Variants in PTPRD observed in about 807,000 individuals in gnomAD.
The protein encoded by PTPRD is receptor-type tyrosine-protein phosphatase delta.
Under a neutral mutation model 214.5 loss-of-function variants are expected in PTPRD, and 34 were observed. That is an observed-to-expected ratio of 0.16 (90% CI 0.12 to 0.21). PTPRD has a LOEUF of 0.21. PTPRD is among the 10% of genes least tolerant of loss of function. The pLI is 1.00. For missense variants in PTPRD, 2,545 were observed against 2,398.7 expected (o/e 1.06, Z -1.27); for synonymous variants, 1,128 against 845.7 (o/e 1.33, Z -5.79).
intron 2 of PTPRD, among the ~76,000 whole-genome samples, chr9:10,515,981 G>C (rs1008631539): frequency 3.3e-5 from 5 of 151,854 alleles, no homozygotes; most frequent in Non-Finnish European, 7.4e-5. Context: ...TTCATCTGTG[G>C]ACATTTAGGT....
At chr9:8,995,900 T>C (rs1409419952) in intron 11 of PTPRD, among the ~76,000 whole-genome samples, 1 of 152,122 alleles carries the variant, frequency 6.6e-6, no homozygotes, top group African/African-American at 2.4e-5. Flanking sequence ...TCTCTTCCTT[T>C]TAGTAAACGT....
At chr9:9,721,949 A>AT (rs1011705555) in intron 7 of PTPRD, among the ~76,000 whole-genome samples, 12 of 152,110 alleles carry the variant, frequency 7.9e-5, no homozygotes, top group African/African-American at 2.6e-4. Context: ...TGTACATATG[A>AT]TTTTTTAAAT....
At chr9:9,041,151 TGGG>T (rs1358984187) in intron 10 of PTPRD, among the ~76,000 whole-genome samples, 2 of 152,114 alleles carry the variant, frequency 1.3e-5, no homozygotes, top group Admixed American at 6.6e-5. Flanking sequence ...AAATTATAAA[TGGG>T]GGAATATATA....
At chr9:9,221,666 C>A (rs2099956131) in intron 9 of PTPRD, among the ~76,000 whole-genome samples, 1 of 151,988 alleles carries the variant, frequency 6.6e-6, no homozygotes, top group Non-Finnish European at 1.5e-5. Flanking sequence ...CTTATTTAAA[C>A]TGAACTATCT....
At chr9:9,917,803 T>A (rs899201949) in intron 5 of PTPRD, among the ~76,000 whole-genome samples, 1 of 152,052 alleles carries the variant, frequency 6.6e-6, no homozygotes, top group Non-Finnish European at 1.5e-5. Context: ...AATCAATAAA[T>A]GTGATACATC....
intron 2 of PTPRD, among the ~76,000 whole-genome samples, chr9:10,363,841 A>C (rs2097445701): frequency 6.6e-6 from 1 of 152,178 alleles, no homozygotes; most frequent in Non-Finnish European, 1.5e-5. Flanking sequence ...GGAAAATTTT[A>C]AAGAAAGTAA....
intron 5 of PTPRD, among the ~76,000 whole-genome samples, chr9:9,873,230 C>T (rs372001070): frequency 6.6e-6 from 1 of 152,090 alleles, no homozygotes; most frequent in Non-Finnish European, 1.5e-5. Flanking sequence ...GAAAGATAAA[C>T]TGTTCTAACC....
intron 6 of PTPRD, among the ~76,000 whole-genome samples, chr9:9,744,029 T>C (rs2098434843): frequency 6.6e-6 from 1 of 152,110 alleles, no homozygotes; most frequent in Admixed American, 6.6e-5. Context: ...CGTCATTCTA[T>C]TTGTAAGACT....
At chr9:10,004,459 C>T (rs1486647516) in intron 4 of PTPRD, among the ~76,000 whole-genome samples, 1 of 151,954 alleles carries the variant, frequency 6.6e-6, no homozygotes, top group East Asian at 1.9e-4. Flanking sequence ...TAATTCACAT[C>T]ATTTTCTTTT....
intron 4 of PTPRD, among the ~76,000 whole-genome samples, chr9:9,960,392 G>A (rs901953979): frequency 1.3e-5 from 2 of 152,118 alleles, no homozygotes; most frequent in African/African-American, 4.8e-5. Context: ...TCAAGAAAGT[G>A]GAGCGTAACT....
intron 3 of PTPRD, among the ~76,000 whole-genome samples, chr9:10,042,928 G>A (rs1381836187): frequency 6.6e-6 from 1 of 151,874 alleles, no homozygotes; most frequent in Non-Finnish European, 1.5e-5. Context: ...CCTATAACAT[G>A]TAAACAGTTG....
chr9:8,658,036 C>G (rs182593911), intron 12 of PTPRD, among the ~76,000 whole-genome samples: 11 of 152,070 alleles, frequency 7.2e-5, no homozygotes, highest in Non-Finnish European at 1.6e-4. Context: ...TAATGATGTA[C>G]AGAGAATATG....
chr9:9,950,910 C>A (rs1441830539), intron 4 of PTPRD, among the ~76,000 whole-genome samples: 1 of 151,948 alleles, frequency 6.6e-6, no homozygotes. Flanking sequence ...GTTCTAATTT[C>A]TGGGAAAACT....
chr9:9,757,529 C>G lies in PTPRD; in HGVS notation c.-326+9281G>C, dbSNP rs144856845. 3.7e-3 allele frequency among the ~76,000 whole-genome samples: 568 copies of G among 152,188 alleles called. 2 individuals are homozygous for G. The highest frequency in any genetic ancestry group is 0.013 in the African/African-American group (539 of 41,534). On this transcript the variant is annotated intron_variant, in intron 6 of 45. Transcript: ENST00000381196. ...ACAACGATTTCAGAAAAAGTTAAAA[C>G]ACTTGGAAATTCAGAGCAATAATTT...
At chr9:10,384,113 G>A (rs2097869504) in intron 2 of PTPRD, among the ~76,000 whole-genome samples, 1 of 150,752 alleles carries the variant, frequency 6.6e-6, no homozygotes, top group Non-Finnish European at 1.5e-5. Flanking sequence ...AGTATTTGAT[G>A]GCACAGCAGG....
intron 3 of PTPRD, among the ~76,000 whole-genome samples, chr9:10,097,721 GC>G (rs2098506130): frequency 6.6e-6 from 1 of 151,662 alleles, no homozygotes; most frequent in South Asian, 2.1e-4. Context: ...CTAATTGAAT[GC>G]CCTTTATTTC....
chr9:10,597,908 A>T (rs1235384437), intron 2 of PTPRD, among the ~76,000 whole-genome samples: 2 of 151,806 alleles, frequency 1.3e-5, no homozygotes, highest in Non-Finnish European at 2.9e-5. Flanking sequence ...ATAAGCTTTC[A>T]TCGCATTTTG....
intron 8 of PTPRD, among the ~76,000 whole-genome samples, chr9:9,531,217 G>C (rs1590882310): frequency 6.6e-6 from 1 of 152,016 alleles, no homozygotes; most frequent in African/African-American, 2.4e-5. Context: ...CCATTCTGTA[G>C]AATGCTACTC....
intron 39 of PTPRD, among the ~76,000 whole-genome samples, chr9:8,350,385 G>A (rs989651569): frequency 6.6e-6 from 1 of 152,104 alleles, no homozygotes; most frequent in African/African-American, 2.4e-5. Context: ...AAATCATTGT[G>A]AGCATTTTGT....
Sources: gnomAD v4.1 joint callset for allele counts (sites outside exome capture counted in the v4.1 genomes callset) on GRCh38, gnomAD v4.1.1 for gene constraint, MANE v1.5 for transcripts, NCBI Gene and HGNC (gene_info 2026-07-23, HGNC 2026-07-21) for gene names.